SBF2: variants seen among roughly 807,000 people sequenced by gnomAD.
SBF2 encodes SET binding factor 2, also known as myotubularin-related protein 13.
In SBF2, 112 loss-of-function variants were observed where a neutral mutation model predicts 225.2. The ratio of observed to expected loss-of-function variants is 0.50; its 90% CI spans 0.43 to 0.58. The LOEUF (loss-of-function observed/expected upper bound fraction) is 0.58. Among genes scored for constraint, SBF2 ranks in the 20% least tolerant of loss-of-function variants. The pLI is 0.00. For missense variants in SBF2, 1,996 were observed against 2,206.2 expected (o/e 0.90, Z 1.91); for synonymous variants, 763 against 773.3 (o/e 0.99, Z 0.22).
At chr11:10,220,586 T>G (rs1205308316) in intron 1 of SBF2, among the ~76,000 whole-genome samples, 1 of 152,184 alleles carries the variant, frequency 6.6e-6, no homozygotes, top group Non-Finnish European at 1.5e-5. Context: ...TTTCTTACCC[T>G]ATACATTGCT....
At chr11:9,945,096 A>G (rs1256757459) in intron 16 of SBF2, among the ~76,000 whole-genome samples, 2 of 152,202 alleles carry the variant, frequency 1.3e-5, no homozygotes, top group East Asian at 3.9e-4. Flanking sequence ...CAGAGCCAAG[A>G]TTCTATCTCA....
At chr11:9,918,679 T>C (rs561481655) in intron 16 of SBF2, among the ~76,000 whole-genome samples, 17 of 152,222 alleles carry the variant, frequency 1.1e-4, no homozygotes, top group African/African-American at 3.9e-4. Context: ...CCCCTTTGCC[T>C]TCTGTCTTCT....
chr11:10,081,775 G>T (rs992177920), intron 2 of SBF2, among the ~76,000 whole-genome samples: 1 of 133,124 alleles, frequency 7.5e-6, no homozygotes, highest in Non-Finnish European at 1.6e-5. Context: ...AAAAAAAAAA[G>T]AAAAAGAAAT....
At position 9,795,812 on chromosome 11, in the gene SBF2, A is replaced by T; in HGVS notation, c.4570+19T>A. ...CAGAACTAACAAAAAAGATGAAACA[A>T]GGGCATACAGACACATACCGTGCTC... On this transcript the variant is annotated intron_variant, in intron 33 of 39. Coordinates refer to ENST00000256190, the MANE Select transcript of SBF2 (RefSeq NM_030962.4). 1 of 1,612,440 alleles carries T rather than the reference A, an allele frequency of 6.2e-7. No homozygotes were observed. The highest frequency in any genetic ancestry group is 8.5e-7 in the Non-Finnish European group (1 of 1,179,198).
intron 2 of SBF2, among the ~76,000 whole-genome samples, chr11:10,105,948 T>A (rs1319283766): frequency 1.3e-5 from 2 of 152,254 alleles, no homozygotes; most frequent in African/African-American, 2.4e-5. Context: ...TTAGAGTTGA[T>A]GAATAATTGC....
rs367640460 is a variant in SBF2, at chr11:10,289,534, C to T, written c.55+4481G>A. 1.2e-4 allele frequency among the ~76,000 whole-genome samples: 18 copies of T among 152,222 alleles called. No individual in the cohort carries two copies. The East Asian group carries it at 2.5e-3, about 21-fold the overall frequency. On this transcript the variant is annotated intron_variant, in intron 1 of 39. Coordinates refer to ENST00000256190, the MANE Select transcript of SBF2 (RefSeq NM_030962.4). Reference sequence around the variant, plus strand: ...TAACATCTCTACGAGCTCCCCCTCACCCAGCTTGTGGCCCTGCCTAGGGGG... The same window carrying T: ...TAACATCTCTACGAGCTCCCCCTCATCCAGCTTGTGGCCCTGCCTAGGGGG...
intron 15 of SBF2, among the ~76,000 whole-genome samples, chr11:9,963,345 G>A (rs1590622134): frequency 6.6e-6 from 1 of 151,950 alleles, no homozygotes; most frequent in Non-Finnish European, 1.5e-5. Flanking sequence ...CGTGCCTGTA[G>A]TCCCAGCTAC....
intron 6 of SBF2, among the ~76,000 whole-genome samples, chr11:10,010,726 TC>T (rs201964701): frequency 0.052 from 7,936 of 152,340 alleles, 296 homozygotes; most frequent in Middle Eastern, 0.16. Context: ...TACAGGCTCT[TC>T]TTTGGTTTCA....
At chr11:9,834,179 G>A (rs1253085489) in intron 26 of SBF2, among the ~76,000 whole-genome samples, 1 of 150,450 alleles carries the variant, frequency 6.6e-6, no homozygotes, top group African/African-American at 2.5e-5. Flanking sequence ...TGCAACCTTC[G>A]CCTCCTGGGT....
intron 8 of SBF2, among the ~76,000 whole-genome samples, chr11:9,999,388 T>C (rs998474550): frequency 5.3e-5 from 8 of 152,222 alleles, no homozygotes; most frequent in African/African-American, 1.9e-4. Context: ...TGGTGCAATC[T>C]TGACTCACTG....
intron 2 of SBF2, among the ~76,000 whole-genome samples, chr11:10,047,693 G>A (rs964462152): frequency 2.0e-5 from 3 of 152,108 alleles, no homozygotes; most frequent in Admixed American, 6.5e-5. Context: ...AGAGATATCA[G>A]AAAAGTAAGA....
At chr11:10,105,877 G>A (rs2134988446) in intron 2 of SBF2, among the ~76,000 whole-genome samples, 1 of 152,344 alleles carries the variant, frequency 6.6e-6, no homozygotes, top group South Asian at 2.1e-4. Flanking sequence ...AGTGATAGCT[G>A]ACAGAGGGAG....
chr11:10,054,733 A>C (rs1950190025), intron 2 of SBF2, among the ~76,000 whole-genome samples: 1 of 152,330 alleles, frequency 6.6e-6, no homozygotes, highest in Non-Finnish European at 1.5e-5. Context: ...ATCGTATTAA[A>C]AAGTGGACAA....
chr11:9,853,723 C>G lies in SBF2; in HGVS notation c.2364-11G>C, dbSNP rs1204770100. The G allele has an allele frequency of 1.9e-6, 3 of 1,613,194 alleles. No homozygotes were observed. The highest frequency in any genetic ancestry group is 2.5e-6 in the Non-Finnish European group (3 of 1,179,348). On this transcript the variant is annotated splice_polypyrimidine_tract_variant and intron_variant, in intron 19 of 39. Coordinates refer to ENST00000256190, the MANE Select transcript of SBF2 (RefSeq NM_030962.4). ...ACACTTCCTGCAATACTAAGACAGT[C>G]AAGGAAAGAAATCATGGTCAGTACT... is the stretch of plus-strand genomic sequence containing the variant.
intron 2 of SBF2, among the ~76,000 whole-genome samples, chr11:10,134,561 G>T (rs766547096): frequency 6.6e-6 from 1 of 152,172 alleles, no homozygotes. Flanking sequence ...TACAATGGGG[G>T]TACAGGCATT....
intron 13 of SBF2, among the ~76,000 whole-genome samples, chr11:9,977,220 A>G (rs1447090526): frequency 6.6e-6 from 1 of 152,008 alleles, no homozygotes; most frequent in Non-Finnish European, 1.5e-5. Flanking sequence ...GCATTGGCTT[A>G]CCCCTGTAAT....
Position 10,029,814 on chromosome 11 carries a change from A to AG in SBF2, c.463dup (p.Leu155ProfsTer27), listed in dbSNP as rs1240217800. 6.2e-7 allele frequency: 1 copy of AG among 1,613,880 alleles called. No homozygotes were observed. The highest frequency in any genetic ancestry group is 1.3e-5 in the African/African-American group (1 of 74,926). The stretch of plus-strand genomic sequence containing the variant: ...AAGGCAGGCACAAAGGTTTGCAATT[A>AG]GACTTTCCAAGGAGACATTCAGGCT... On this transcript the variant is annotated frameshift_variant, in exon 5 of 40. Transcript: ENST00000256190. LOFTEE classifies it high-confidence loss of function.
intron 2 of SBF2, among the ~76,000 whole-genome samples, chr11:10,118,325 A>G (rs1279146102): frequency 2.0e-5 from 3 of 152,216 alleles, no homozygotes; most frequent in Admixed American, 2.0e-4. Flanking sequence ...GACAGGGACT[A>G]AAGTACAACA....
chr11:10,240,108 T>C (rs1959187819), intron 1 of SBF2, among the ~76,000 whole-genome samples: 2 of 152,062 alleles, frequency 1.3e-5, no homozygotes, highest in East Asian at 1.9e-4. Context: ...GTCCCAATAA[T>C]ACATGAGACA....
Sources: gnomAD v4.1 joint callset for allele counts (sites outside exome capture counted in the v4.1 genomes callset) on GRCh38, gnomAD v4.1.1 for gene constraint, MANE v1.5 for transcripts, NCBI Gene and HGNC (gene_info 2026-07-23, HGNC 2026-07-21) for gene names.